The following URB2 variants were observed in gnomAD, a reference collection of about 807,000 sequenced individuals.
The protein encoded by URB2 is URB2 ribosome biogenesis homolog, also known as unhealthy ribosome biogenesis protein 2 homolog.
URB2 carries 86 observed loss-of-function variants against 120.9 expected under a neutral mutation model. That is an observed-to-expected ratio of 0.71 (90% CI 0.60 to 0.85). The LOEUF (loss-of-function observed/expected upper bound fraction) is 0.85, where lower values mean the gene tolerates loss of function less well. Among genes scored for constraint, URB2 ranks in the 40% least tolerant of loss-of-function variants. The probability of loss-of-function intolerance (pLI) is 0.00; values close to 1 mark genes in which losing one functional copy is unlikely to be tolerated. For synonymous variants in URB2, 755 were observed against 758.4 expected, an observed-to-expected ratio of 1.00 and a Z score of 0.07; for missense variants, 1,765 against 1,836.5, an observed-to-expected ratio of 0.96 and a Z score of 0.71.
Position 229,635,159 on chromosome 1 carries a change from G to C in URB2, c.546G>C (p.Leu182Phe). Residue 182 changes from leucine to phenylalanine, a missense_variant, in exon 4 of 10, where the codon TTG (leucine) becomes TTC (phenylalanine). Transcript: ENST00000258243. ...VIHLALGHYL[L>F]ILQQQVNPRR... ...ACCTGGCCCTTGGCCATTATCTCTT[G>C]ATCCTGCAGCAGCAGGTCAACCCAA... 6.2e-7 allele frequency: 1 copy of C among 1,614,200 alleles called. No homozygotes were observed.
intron 4 of URB2, among the ~76,000 whole-genome samples, chr1:229,642,299 G>A (rs180930083): frequency 6.6e-6 from 1 of 151,964 alleles, no homozygotes; most frequent in African/African-American, 2.4e-5. Flanking sequence ...GCCTTTTTTT[G>A]TTTGCCAGCC....
At position 229,654,334 on chromosome 1, in the gene URB2, GT is replaced by G. The variant is rs756100073; in HGVS notation, c.4326del (p.Phe1442LeufsTer19). On this transcript the variant is annotated frameshift_variant, in exon 9 of 10. Transcript: ENST00000258243. LOFTEE classifies it high-confidence loss of function. The stretch of plus-strand genomic sequence containing the variant: ...GCCACATCGCCGCACGAGCTGAGGA[GT>G]TTGCTGTGTTTTCCCCATTTATGGT... ...YSHIAARAEE[F>X]AVFSPFMVAQ... The G allele has an allele frequency of 1.2e-6, 2 of 1,614,194 alleles. No homozygotes were observed. Among genetic ancestry groups the G allele is most frequent in the Non-Finnish European group, 1.7e-6 (2 of 1,180,038 alleles).
At chr1:229,627,564 G>A (rs1665537892) in intron 1 of URB2, 57 bp from the exon 2 acceptor site, 4 of 1,551,398 alleles carry the variant, frequency 2.6e-6, no homozygotes, top group Middle Eastern at 1.7e-4. Context: ...GTTTTCTGGT[G>A]CCTGCTCAGT....
chr1:229,630,014 C>G (rs1390991599), intron 2 of URB2, among the ~76,000 whole-genome samples: 1 of 152,234 alleles, frequency 6.6e-6, no homozygotes, highest in Non-Finnish European at 1.5e-5. Flanking sequence ...ACTTCTAATT[C>G]TAGTTCCCTG....
At position 229,636,569 on chromosome 1, in the gene URB2, A is replaced by G; in HGVS notation, c.1956A>G (p.Lys652=). 1 of 1,614,134 alleles carries G rather than the reference A, an allele frequency of 6.2e-7. No homozygotes were observed. Among genetic ancestry groups the G allele is most frequent in the African/African-American group, 1.3e-5 (1 of 75,040 alleles). ...TCCCTTCGTTGCTCCCAGGTGTAAAAACACAGCATTGGAAGAAGATAGAGA... is the reference window on the plus strand; with the variant it reads ...TCCCTTCGTTGCTCCCAGGTGTAAAGACACAGCATTGGAAGAAGATAGAGA... ...SNLPSLLPGV[K]TQHWKKIEKF... is the part of the protein sequence containing the mutation. The change falls in exon 4 of 10, where the codon AAA becomes AAG. Residue 652 remains lysine (K), a synonymous_variant. Transcript: ENST00000258243.
Position 229,659,519 on chromosome 1 carries a change from C to G in URB2, c.*222C>G. On this transcript the variant is annotated 3_prime_UTR_variant, in exon 10 of 10. Coordinates refer to ENST00000258243, the MANE Select transcript of URB2 (RefSeq NM_014777.4). ...TATGCAGTAAGTATTGCAATAGAATCCTGAAAATTGACCCTGGGATGAGAT... is the reference window on the plus strand; with the variant it reads ...TATGCAGTAAGTATTGCAATAGAATGCTGAAAATTGACCCTGGGATGAGAT... The G allele has an allele frequency of 4.8e-6, 2 of 420,430 alleles. No homozygotes were observed. The highest frequency in any genetic ancestry group is 8.3e-6 in the Non-Finnish European group (2 of 240,590). 26.0% of individuals were successfully genotyped at this position (420,430 alleles called of 1,614,324 possible). A position where few individuals can be genotyped will look rare whatever the true frequency, so the allele number is the denominator to read the frequency against.
intron 8 of URB2, among the ~76,000 whole-genome samples, chr1:229,652,397 G>A (rs1304053925): frequency 3.3e-5 from 5 of 151,990 alleles, no homozygotes; most frequent in African/African-American, 1.2e-4. Flanking sequence ...ATACAGGAGT[G>A]GTGCTCAGCT....
In URB2 at chr1:229,638,119, C is replaced by G. The variant is rs752140875; in HGVS notation, c.3506C>G (p.Ala1169Gly). 17 of 1,614,078 alleles carry G rather than the reference C, an allele frequency of 1.1e-5. No homozygotes were observed. Among genetic ancestry groups the G allele is most frequent in the Non-Finnish European group, 1.4e-5 (17 of 1,180,046 alleles). Residue 1169 changes from alanine (A) to glycine (G), a missense_variant, in exon 4 of 10, where the codon GCG becomes GGG. By Grantham distance (60) the Ala-to-Gly change is moderately conservative. Transcript: ENST00000258243. ...ATACTGTTGGAGTTGCCAGCTCTCGCGGGACATGATCAGTCTTTTCAGGCA... is the reference window on the plus strand; with the variant it reads ...ATACTGTTGGAGTTGCCAGCTCTCGGGGGACATGATCAGTCTTTTCAGGCA... ...SQILLELPALAGHDQSFQAAL... is the reference protein window; with the variant it reads ...SQILLELPALGGHDQSFQAAL...
At position 229,636,447 on chromosome 1, in the gene URB2, A is replaced by G; in HGVS notation, c.1834A>G (p.Thr612Ala). ...TGACTCTGTGCTCCTGCTCTCTTAC[A>G]CTTGGGCCCAGGTGGACGCTATGTT... is the stretch of plus-strand genomic sequence containing the variant. ...VSDSVLLLSY[T>A]WAQVDAMFSL... is the part of the protein sequence containing the mutation. Residue 612 changes from threonine to alanine, a missense_variant, in exon 4 of 10, where the codon ACT becomes GCT. Transcript: ENST00000258243. 6.2e-7 allele frequency: 1 copy of G among 1,614,152 alleles called. No homozygotes were observed.
At position 229,643,601 on chromosome 1, in the gene URB2, T is replaced by A; in HGVS notation, c.3703T>A (p.Leu1235Ile). 6.2e-7 allele frequency: 1 copy of A among 1,614,156 alleles called. No homozygotes were observed. The highest frequency in any genetic ancestry group is 8.5e-7 in the Non-Finnish European group (1 of 1,180,028). ...TTTGGGAGCCTTGTTCACCCAAATG[T>A]TAGAGGTTGGGACGACAGAGGACTT... The part of the protein sequence containing the change: ...PHLGALFTQM[L>I]EVGTTEDLRL... Residue 1235 changes from leucine (L) to isoleucine (I), a missense_variant, in exon 5 of 10, where the codon TTA becomes ATA. Leu to Ile is a conservative substitution (Grantham distance 5, BLOSUM62 2). Coordinates refer to ENST00000258243, the MANE Select transcript of URB2 (RefSeq NM_014777.4).
At chr1:229,653,838 A>G (rs1405616053) in intron 8 of URB2, among the ~76,000 whole-genome samples, 2 of 151,022 alleles carry the variant, frequency 1.3e-5, no homozygotes, top group African/African-American at 4.9e-5. Flanking sequence ...AGGGTATCTC[A>G]TTTTTTAAAT....
At chr1:229,628,200 T>C (rs1665572289) in intron 2 of URB2, among the ~76,000 whole-genome samples, 1 of 144,182 alleles carries the variant, frequency 6.9e-6, no homozygotes, top group African/African-American at 2.6e-5. Flanking sequence ...AATATATATG[T>C]ATATATATTA....
At chr1:229,639,958 A>C (rs1665961002) in intron 4 of URB2, among the ~76,000 whole-genome samples, 1 of 152,216 alleles carries the variant, frequency 6.6e-6, no homozygotes, top group African/African-American at 2.4e-5. Context: ...TTATGAAGAC[A>C]AGGGCTAGAA....
At chr1:229,645,746 G>A (rs1219219914) in intron 5 of URB2, 113 bp from the exon 6 acceptor site, 12 of 882,164 alleles carry the variant, frequency 1.4e-5, no homozygotes, top group Non-Finnish European at 1.9e-5. Flanking sequence ...TGACACCAGG[G>A]CTCTCAATCC....
intron 9 of URB2, among the ~76,000 whole-genome samples, chr1:229,656,635 G>C (rs1400642482): frequency 6.6e-6 from 1 of 152,220 alleles, no homozygotes; most frequent in Non-Finnish European, 1.5e-5. Context: ...ATGCTAAATA[G>C]ATCTCCTTTG....
chr1:229,655,532 C>T (rs1178675741), intron 9 of URB2, among the ~76,000 whole-genome samples: 1 of 152,210 alleles, frequency 6.6e-6, no homozygotes, highest in Non-Finnish European at 1.5e-5. Context: ...CCGCGCCCAG[C>T]CATTCAACAG....
In URB2 at chr1:229,651,267, C is replaced by T. The variant is rs1197971465; in HGVS notation, c.4182C>T (p.Asn1394=). ...TGAAAGCCATCCCTTCTTTCTTGAA[C>T]TCTTTCAATAGATTGGTGTTTTCAG... is the stretch of plus-strand genomic sequence containing the variant. The part of the protein sequence containing the change: ...VMLKAIPSFL[N]SFNRLVFSVM... The change falls in exon 8 of 10, where the codon AAC becomes AAT. Residue 1394 remains asparagine (N), a synonymous_variant. Transcript: ENST00000258243. 1.2e-6 allele frequency: 2 copies of T among 1,611,484 alleles called. No individual in the cohort carries two copies. The highest frequency in any genetic ancestry group is 1.1e-5 in the South Asian group (1 of 90,490).
At chr1:229,641,581 AG>A (rs1666012756) in intron 4 of URB2, among the ~76,000 whole-genome samples, 1 of 152,038 alleles carries the variant, frequency 6.6e-6, no homozygotes, top group African/African-American at 2.4e-5. Flanking sequence ...GGGCAGGGAG[AG>A]GGAGTGTGAA....
In URB2 at chr1:229,635,063, G is replaced by A. The variant is rs1665760074; in HGVS notation, c.450G>A (p.Leu150=). 1.9e-6 allele frequency: 3 copies of A among 1,614,022 alleles called. No individual in the cohort carries two copies. In the African/African-American group the frequency reaches 4.0e-5, roughly 22 times the overall value. The change falls in exon 4 of 10, where the codon CTG becomes CTA. Residue 150 remains leucine (L), a synonymous_variant. Transcript: ENST00000258243. ...TAKQELMVAL[L]SQLCWSACRQ... Reference sequence around the variant, plus strand: ...AACAGGAGCTGATGGTGGCCTTGCTGAGCCAGCTTTGCTGGTCGGCCTGCA... The same window carrying A: ...AACAGGAGCTGATGGTGGCCTTGCTAAGCCAGCTTTGCTGGTCGGCCTGCA...
Sources: allele counts gnomAD v4.1 joint callset (sites outside exome capture counted in the v4.1 genomes callset), GRCh38; gene constraint gnomAD v4.1.1; transcripts MANE v1.5; gene names NCBI Gene and HGNC (gene_info 2026-07-23, HGNC 2026-07-21).